Variants in PKP4 observed in about 807,000 individuals in gnomAD.
PKP4 encodes the protein plakophilin-4.
A neutral mutation model predicts 145.1 loss-of-function variants in PKP4; 90 were observed. The ratio of observed to expected loss-of-function variants is 0.62; its 90% confidence interval spans 0.52 to 0.74. The LOEUF (loss-of-function observed/expected upper bound fraction) is 0.74. PKP4 is among the 30% of genes least tolerant of loss of function. The probability of loss-of-function intolerance (pLI) is 0.00; values close to 1 mark genes in which losing one functional copy is unlikely to be tolerated. For synonymous variants in PKP4, 563 were observed against 577.2 expected, an observed-to-expected ratio of 0.98 and a Z score of 0.35; for missense variants, 1,340 against 1,482.7, an observed-to-expected ratio of 0.90 and a Z score of 1.58.
At chr2:158,583,562 C>T (rs1308122678) in intron 3 of PKP4, among the ~76,000 whole-genome samples, 1 of 152,006 alleles carries the variant, frequency 6.6e-6, no homozygotes. Context: ...AAAATTCAAC[C>T]CTTTGTAGTG....
chr2:158,588,025 A>G (rs2048950512), intron 3 of PKP4, among the ~76,000 whole-genome samples: 2 of 151,978 alleles, frequency 1.3e-5, no homozygotes, highest in South Asian at 4.1e-4. Context: ...GTGTAAATCT[A>G]GTTCATTCTT....
At chr2:158,594,593 T>C (rs961429281) in intron 3 of PKP4, among the ~76,000 whole-genome samples, 7 of 152,106 alleles carry the variant, frequency 4.6e-5, no homozygotes, top group African/African-American at 1.7e-4. Context: ...GAAATCAGTC[T>C]CCATCCAACA....
intron 10 of PKP4, among the ~76,000 whole-genome samples, chr2:158,642,216 G>T (rs1375344159): frequency 6.6e-6 from 1 of 152,146 alleles, no homozygotes; most frequent in Non-Finnish European, 1.5e-5. Flanking sequence ...TAGAGACGGG[G>T]TTTCATCATG....
chr2:158,654,023 A>G (rs1226978467), intron 11 of PKP4, among the ~76,000 whole-genome samples: 1 of 152,244 alleles, frequency 6.6e-6, no homozygotes, highest in African/African-American at 2.4e-5. Flanking sequence ...CAAAAAAGCC[A>G]AATTAATCAT....
At chr2:158,469,194 A>G (rs113968722) in intron 1 of PKP4, among the ~76,000 whole-genome samples, 16,830 of 151,692 alleles carry the variant, frequency 0.11, 1,220 homozygotes, top group Non-Finnish European at 0.15. Context: ...GGTTCAAGCT[A>G]TTCTCCTGTC....
At chr2:158,473,595 G>A (rs541142039) in intron 1 of PKP4, among the ~76,000 whole-genome samples, 21 of 152,030 alleles carry the variant, frequency 1.4e-4, no homozygotes, top group Non-Finnish European at 2.2e-4. Context: ...TTATAAGTGG[G>A]AGCTAAATGA....
chr2:158,678,495 C>A, intron 20 of PKP4, 86 bp from the exon 21 acceptor site: 1 of 913,272 alleles, frequency 1.1e-6, no homozygotes, highest in Non-Finnish European at 1.8e-6. Flanking sequence ...GGGGACAGTG[C>A]TAGCCCTAGT....
At chr2:158,655,301 C>G (rs1481062226) in intron 11 of PKP4, among the ~76,000 whole-genome samples, 3 of 152,056 alleles carry the variant, frequency 2.0e-5, no homozygotes, top group African/African-American at 7.2e-5. Flanking sequence ...CAGAGCAGGA[C>G]AAAATTCTAC....
chr2:158,680,645 C>G lies in PKP4; in HGVS notation c.3547C>G (p.Gln1183Glu). 4 of 1,613,774 alleles carry G rather than the reference C, an allele frequency of 2.5e-6. No individual in the cohort carries two copies. Among genetic ancestry groups the G allele is most frequent in the Non-Finnish European group, 3.4e-6 (4 of 1,179,716 alleles). The change falls in exon 22 of 22, where the codon CAG (glutamine) becomes GAG (glutamate). Residue 1183 changes from glutamine (Q) to glutamate (E), a missense_variant. Transcript: ENST00000389759. The stretch of plus-strand genomic sequence containing the variant: ...TAAACGACCTTCTTATAGAGCAGAA[C>G]AGTACCCAGGGTCCCCAGACTCATG... ...STKRPSYRAE[Q>E]YPGSPDSWV
At chr2:158,519,403 G>A (rs548348579) in intron 1 of PKP4, among the ~76,000 whole-genome samples, 3 of 152,288 alleles carry the variant, frequency 2.0e-5, no homozygotes, top group Non-Finnish European at 4.4e-5. Flanking sequence ...GTCAGTGTCT[G>A]AGGCCTGCTC....
chr2:158,493,241 A>G (rs1695206887), intron 1 of PKP4, among the ~76,000 whole-genome samples: 1 of 152,162 alleles, frequency 6.6e-6, no homozygotes, highest in Non-Finnish European at 1.5e-5. Flanking sequence ...CCGTTTTCCT[A>G]ATAATGACAG....
At chr2:158,621,940 T>C (rs1240331774) in intron 6 of PKP4, among the ~76,000 whole-genome samples, 1 of 152,230 alleles carries the variant, frequency 6.6e-6, no homozygotes, top group Non-Finnish European at 1.5e-5. Flanking sequence ...TGAATTCTGA[T>C]GAGTTCCTGG....
intron 13 of PKP4, chr2:158,661,778 T>G (rs955551204): frequency 9.3e-6 from 2 of 214,278 alleles, no homozygotes; most frequent in Non-Finnish European, 1.9e-5. Context: ...AGTATTTGAG[T>G]ATCTACTGAC....
At chr2:158,569,884 T>G (rs1160396349) in intron 2 of PKP4, among the ~76,000 whole-genome samples, 1 of 152,300 alleles carries the variant, frequency 6.6e-6, no homozygotes, top group African/African-American at 2.4e-5. Flanking sequence ...ATTTCCCAAA[T>G]CTACTTGACC....
chr2:158,597,625 A>G (rs2049868410), intron 3 of PKP4, among the ~76,000 whole-genome samples: 4 of 152,214 alleles, frequency 2.6e-5, no homozygotes, highest in Admixed American at 2.6e-4. Context: ...TAGTCTAGAC[A>G]GTGGGACACA....
chr2:158,649,545 A>C (rs1446145722), intron 11 of PKP4, among the ~76,000 whole-genome samples: 1 of 152,218 alleles, frequency 6.6e-6, no homozygotes, highest in African/African-American at 2.4e-5. Flanking sequence ...TAGGAAGTCT[A>C]TGAAACGTGA....
intron 1 of PKP4, among the ~76,000 whole-genome samples, chr2:158,498,176 G>A (rs982141984): frequency 7.3e-5 from 11 of 151,650 alleles, no homozygotes; most frequent in African/African-American, 2.7e-4. Context: ...TTATTTTTTT[G>A]AGATGGGGTC....
intron 1 of PKP4, among the ~76,000 whole-genome samples, chr2:158,529,783 G>C (rs376495870): frequency 6.6e-6 from 1 of 152,128 alleles, no homozygotes; most frequent in African/African-American, 2.4e-5. Flanking sequence ...TATTCCCGTT[G>C]TTTTTAGTCT....
intron 2 of PKP4, among the ~76,000 whole-genome samples, chr2:158,555,930 T>A (rs1053710529): frequency 6.6e-6 from 1 of 152,202 alleles, no homozygotes; most frequent in Admixed American, 6.5e-5. Context: ...AGCTTGCTTA[T>A]TTTGGTCACT....
Sources: gnomAD v4.1 joint callset for allele counts (sites outside exome capture counted in the v4.1 genomes callset) on GRCh38, gnomAD v4.1.1 for gene constraint, MANE v1.5 for transcripts, NCBI Gene and HGNC (gene_info 2026-07-23, HGNC 2026-07-21) for gene names.